RICTOR: variants seen among roughly 807,000 people sequenced by gnomAD.
The protein encoded by RICTOR is rapamycin-insensitive companion of mTOR.
A neutral mutation model predicts 214.9 loss-of-function variants in RICTOR; 49 were observed. The ratio of observed to expected loss-of-function variants is 0.23; its 90% CI spans 0.18 to 0.29. The LOEUF is 0.29. Among genes scored for constraint, RICTOR ranks in the 10% least tolerant of loss-of-function variants. The pLI, the probability that RICTOR is intolerant of heterozygous loss-of-function variation, is 1.00. For synonymous variants in RICTOR, 717 were observed against 711.3 expected, an observed-to-expected ratio of 1.01 and a Z score of -0.13; for missense variants, 1,625 against 2,047.0, an observed-to-expected ratio of 0.79 and a Z score of 3.98.
chr5:38,943,030 C>T, intron 36 of RICTOR, 59 bp from the exon 37 acceptor site: 2 of 1,288,344 alleles, frequency 1.6e-6, no homozygotes, highest in South Asian at 1.2e-5. Context: ...TATTTTTCCT[C>T]CAAGGTATCA....
At chr5:39,012,988 G>A (rs1754660650) in intron 3 of RICTOR, among the ~76,000 whole-genome samples, 1 of 152,140 alleles carries the variant, frequency 6.6e-6, no homozygotes. Context: ...CATGGAAAGT[G>A]TTTATCTGAG....
rs186068391 is a variant in RICTOR at position 39,016,042 on chromosome 5, G to T, written c.195+4997C>A. On this transcript the variant is annotated intron_variant, in intron 3 of 37. Transcript: ENST00000357387. ...CCAAAGTTCATGGACTTTATTCATG[G>T]GACAGCCCCTAAGATCCTGACTCAG... Among the ~76,000 whole-genome samples the T allele has an allele frequency of 5.0e-3, 756 of 152,120 alleles. 6 individuals are homozygous for T. The highest frequency in any genetic ancestry group is 0.012 in the South Asian group (56 of 4,816).
At chr5:38,958,564 CA>C (rs1749516577) in intron 23 of RICTOR, 45 bp from the exon 24 acceptor site, 1 of 1,554,178 alleles carries the variant, frequency 6.4e-7, no homozygotes, top group South Asian at 1.2e-5. Flanking sequence ...ACAAAAATAG[CA>C]AAATTTTTAG....
rs149159011 is a variant in RICTOR, at chr5:38,940,080, GA to G, written c.*2223del. On this transcript the variant is annotated 3_prime_UTR_variant, in exon 38 of 38. Coordinates refer to ENST00000357387, the MANE Select transcript of RICTOR (RefSeq NM_152756.5). ...CTCTGAGTATCTCCCCAAAGTAAGT[GA>G]TATAGGCAGATATGATAAGGTATAC... 0.012 allele frequency: 2,330 copies of G among 202,540 alleles called. 22 individuals are homozygous for G. Among genetic ancestry groups the G allele is most frequent in the South Asian group, 0.026 (129 of 4,924 alleles). The allele number at this position is 202,540 out of a possible 1,614,324, so 12.5% of individuals were successfully genotyped here. A position where few individuals can be genotyped will look rare whatever the true frequency, so the allele number is the denominator to read the frequency against.
chr5:38,953,186 G>C, intron 28 of RICTOR, 95 bp from the exon 29 acceptor site: 1 of 837,444 alleles, frequency 1.2e-6, no homozygotes, highest in Non-Finnish European at 1.9e-6. Flanking sequence ...TCATCTCTGA[G>C]AGAGAAAAAA....
chr5:38,942,437 T>G (rs1023052061), intron 37 of RICTOR, 59 bp from the exon 38 acceptor site: 12 of 955,388 alleles, frequency 1.3e-5, no homozygotes, highest in Admixed American at 2.4e-5. Flanking sequence ...TATAACATAT[T>G]TATATAAATA....
Position 38,939,453 on chromosome 5 carries a change from T to C in RICTOR, c.*2851A>G, listed in dbSNP as rs1747299398. On this transcript the variant is annotated 3_prime_UTR_variant, in exon 38 of 38. Transcript: ENST00000357387. ...AAAAATTTAATTAGGGAGAACAGAC[T>C]GTTTCCCCCTTCCAATCTACCTAAG... 4.3e-6 allele frequency: 1 copy of C among 232,184 alleles called. No individual in the cohort carries two copies. Among genetic ancestry groups the C allele is most frequent in the Non-Finnish European group, 8.5e-6 (1 of 117,508 alleles). 14.4% of individuals were successfully genotyped at this position (232,184 alleles called of 1,614,324 possible). A position where few individuals can be genotyped will look rare whatever the true frequency, so the allele number is the denominator to read the frequency against.
intron 2 of RICTOR, among the ~76,000 whole-genome samples, chr5:39,038,548 T>C (rs1235365135): frequency 6.6e-6 from 1 of 152,066 alleles, no homozygotes. Flanking sequence ...TTGCAGATGA[T>C]ATGATTGTAT....
chr5:39,022,909 T>C lies in RICTOR; in HGVS notation c.98-1773A>G, dbSNP rs369353299. 3.3e-5 allele frequency among the ~76,000 whole-genome samples: 5 copies of C among 152,016 alleles called. No homozygotes were observed. The South Asian group carries it at 8.3e-4, about 25-fold the overall frequency. Reference sequence around the variant, plus strand: ...GAGAAAGTACCTAATAAAGTCTTATTTGCAAAAAAAGAAAAAAGTGATGGA... The same window carrying C: ...GAGAAAGTACCTAATAAAGTCTTATCTGCAAAAAAAGAAAAAAGTGATGGA... On this transcript the variant is annotated intron_variant, in intron 2 of 37. Coordinates refer to ENST00000357387, the MANE Select transcript of RICTOR (RefSeq NM_152756.5).
intron 7 of RICTOR, among the ~76,000 whole-genome samples, chr5:38,987,773 C>G (rs915668505): frequency 6.6e-6 from 1 of 151,886 alleles, no homozygotes; most frequent in Non-Finnish European, 1.5e-5. Flanking sequence ...GCTCTTGCTT[C>G]TCTAGTTCTT....
intron 3 of RICTOR, among the ~76,000 whole-genome samples, chr5:39,014,642 TTTAGA>T (rs1754802525): frequency 2.0e-5 from 3 of 152,120 alleles, no homozygotes; most frequent in Admixed American, 2.0e-4. Context: ...AAAGCAGGTC[TTTAGA>T]TTATGAGCAT....
At chr5:38,998,868 T>G (rs946960515) in intron 5 of RICTOR, among the ~76,000 whole-genome samples, 1 of 151,438 alleles carries the variant, frequency 6.6e-6, no homozygotes, top group Non-Finnish European at 1.5e-5. Context: ...AGAAAAAAAT[T>G]AGCCAGGCGT....
intron 5 of RICTOR, among the ~76,000 whole-genome samples, chr5:39,000,982 C>T (rs978555847): frequency 6.6e-6 from 1 of 151,850 alleles, no homozygotes; most frequent in Non-Finnish European, 1.5e-5. Flanking sequence ...TCAAAGTTTC[C>T]AATAAATAAA....
chr5:39,031,280 C>T (rs1756252584), intron 2 of RICTOR, among the ~76,000 whole-genome samples: 1 of 152,144 alleles, frequency 6.6e-6, no homozygotes, highest in Admixed American at 6.6e-5. Context: ...GTTAAGCAAA[C>T]TCTGAGTAAT....
chr5:39,050,065 C>G (rs1300575723), intron 2 of RICTOR, among the ~76,000 whole-genome samples: 1 of 151,906 alleles, frequency 6.6e-6, no homozygotes, highest in Non-Finnish European at 1.5e-5. Flanking sequence ...TAAATAACCA[C>G]CTAAACACAT....
chr5:38,994,577 C>T (rs185934528), intron 6 of RICTOR, among the ~76,000 whole-genome samples: 23 of 152,198 alleles, frequency 1.5e-4, no homozygotes, highest in Non-Finnish European at 7.4e-5. Flanking sequence ...AGCCCTGTGC[C>T]ACAATTCTAC....
chr5:38,950,128 T>C lies in RICTOR; in HGVS notation c.3720A>G (p.Thr1240=), dbSNP rs1748619387. 6.2e-7 allele frequency: 1 copy of C among 1,613,448 alleles called. No individual in the cohort carries two copies. The highest frequency in any genetic ancestry group is 8.5e-7 in the Non-Finnish European group (1 of 1,179,630). Reference sequence around the variant, plus strand: ...CCATAGTTGTAGCATCTACACCTACTGTCTCTCGTGAAGGACTTGAGCTCA... The same window carrying C: ...CCATAGTTGTAGCATCTACACCTACCGTCTCTCGTGAAGGACTTGAGCTCA... ...SSMSSSPSRE[T]VGVDATTMDT... is the part of the protein sequence containing the mutation. Residue 1240 remains threonine (T), a synonymous_variant, in exon 31 of 38, where the codon ACA becomes ACG. Transcript: ENST00000357387.
At chr5:39,001,136 A>G (rs1753583547) in intron 5 of RICTOR, among the ~76,000 whole-genome samples, 1 of 152,100 alleles carries the variant, frequency 6.6e-6, no homozygotes, top group South Asian at 2.1e-4. Flanking sequence ...AACCCAGATT[A>G]GTCAAAATAG....
At position 39,012,115 on chromosome 5, in the gene RICTOR, G is replaced by A. The variant is rs527545586; in HGVS notation, c.196-8493C>T. Reference sequence around the variant, plus strand: ...TCACGTGAAAATACTTGAATCATGGGGGTGATTTCCTCCATGCTGTTCTCG... The same window carrying A: ...TCACGTGAAAATACTTGAATCATGGAGGTGATTTCCTCCATGCTGTTCTCG... On this transcript the variant is annotated intron_variant, in intron 3 of 37. Transcript: ENST00000357387. Among the ~76,000 whole-genome samples the A allele has an allele frequency of 6.6e-5, 10 of 152,230 alleles. No individual in the cohort carries two copies. In the South Asian group the frequency reaches 1.9e-3, roughly 28 times the overall value.
Sources: allele counts gnomAD v4.1 joint callset (sites outside exome capture counted in the v4.1 genomes callset), GRCh38; gene constraint gnomAD v4.1.1; transcripts MANE v1.5; gene names NCBI Gene and HGNC (gene_info 2026-07-23, HGNC 2026-07-21).